Variants in GPHN observed in about 807,000 individuals in gnomAD.
The protein encoded by GPHN is gephyrin.
A neutral mutation model predicts 95.5 loss-of-function variants in GPHN; 17 were observed. The observed-to-expected ratio is 0.18, with a 90% CI of 0.12 to 0.27. The LOEUF (loss-of-function observed/expected upper bound fraction) is 0.27. GPHN is among the 10% of genes least tolerant of loss of function. GPHN has a pLI of 1.00. For synonymous variants in GPHN, 320 were observed against 322.5 expected, an observed-to-expected ratio of 0.99 and a Z score of 0.08; for missense variants, 660 against 978.1, an observed-to-expected ratio of 0.67 and a Z score of 4.34.
chr14:67,349,944 G>A, the GPHN span, among the ~76,000 whole-genome samples: 3 of 152,138 alleles, frequency 2.0e-5, no homozygotes, highest in Non-Finnish European at 4.4e-5. Flanking sequence ...AATAAAATCA[G>A]AAACCTTGAA....
At chr14:66,890,659 A>T (rs1389098726) in intron 5 of GPHN, among the ~76,000 whole-genome samples, 1 of 152,162 alleles carries the variant, frequency 6.6e-6, no homozygotes, top group Non-Finnish European at 1.5e-5. Context: ...ATGAATGTTG[A>T]TGGAAAAATG....
At position 66,776,518 on chromosome 14, in the gene GPHN, C is replaced by G. The variant is rs1231315486; in HGVS notation, c.198C>G (p.Ile66Met). 5.5e-5 allele frequency: 85 copies of G among 1,557,150 alleles called. No homozygotes were observed. The highest frequency in any genetic ancestry group is 7.5e-5 in the Non-Finnish European group (85 of 1,129,708). The part of the protein sequence containing the change: ...YKIVPDEIEE[I>M]KETLIDWCDE... ...TAGTACCAGATGAAATAGAAGAAAT[C>G]AAGGTATAGTATGGCATTTTTCACC... Residue 66 changes from isoleucine (I) to methionine (M), a missense_variant, in exon 3 of 23, where the codon ATC (isoleucine) becomes ATG (methionine). Around this residue, in one of 6 missense-constraint regions of GPHN, gnomAD observed 92 missense variants for 91.9 expected, o/e 1.00. Coordinates refer to ENST00000478722, the MANE Select transcript of GPHN (RefSeq NM_020806.5).
chr14:67,315,353 T>C, the GPHN span, among the ~76,000 whole-genome samples: 1 of 143,292 alleles, frequency 7.0e-6, no homozygotes, highest in Non-Finnish European at 1.5e-5. Context: ...CTCAGCTCAC[T>C]GCAAGCTCCG....
chr14:66,657,691 T>C (rs1410979129), intron 1 of GPHN, among the ~76,000 whole-genome samples: 1 of 152,112 alleles, frequency 6.6e-6, no homozygotes, highest in African/African-American at 2.4e-5. Flanking sequence ...TCACAATACA[T>C]CTGTTTACAG....
chr14:67,366,451 G>T, the GPHN span, among the ~76,000 whole-genome samples: 3 of 152,154 alleles, frequency 2.0e-5, no homozygotes, highest in Non-Finnish European at 4.4e-5. Context: ...AATATGGAAT[G>T]GCATACTTGC....
the GPHN span, among the ~76,000 whole-genome samples, chr14:67,425,229 A>G: frequency 2.0e-5 from 3 of 152,130 alleles, no homozygotes; most frequent in African/African-American, 7.2e-5. Context: ...GACTACAGGC[A>G]CACACCACCA....
intron 3 of GPHN, among the ~76,000 whole-genome samples, chr14:66,786,009 TATATTC>T (rs1267660168): frequency 7.2e-5 from 11 of 151,974 alleles, no homozygotes; most frequent in Non-Finnish European, 1.5e-4. Flanking sequence ...AAGAGCAAAA[TATATTC>T]AGAGCAATCA....
chr14:67,141,623 T>C (rs2080464460), intron 17 of GPHN, among the ~76,000 whole-genome samples: 1 of 152,140 alleles, frequency 6.6e-6, no homozygotes, highest in Non-Finnish European at 1.5e-5. Flanking sequence ...TTGTGCATGG[T>C]TAAACATCTA....
intron 2 of GPHN, among the ~76,000 whole-genome samples, chr14:66,725,629 G>A (rs945221512): frequency 6.6e-6 from 1 of 152,084 alleles, no homozygotes; most frequent in South Asian, 2.1e-4. Context: ...GATTACAGGT[G>A]CACGCCACCA....
At chr14:67,730,473 T>C in the GPHN span, among the ~76,000 whole-genome samples, 789 of 152,368 alleles carry the variant, frequency 5.2e-3, 8 homozygotes, top group African/African-American at 0.017. Flanking sequence ...AGTTGCATGT[T>C]GCTGCTAAAA....
At chr14:67,657,592 G>A in the GPHN span, among the ~76,000 whole-genome samples, 21 of 139,564 alleles carry the variant, frequency 1.5e-4, no homozygotes, top group African/African-American at 5.4e-4. Flanking sequence ...AAGCACGCGC[G>A]CGCGTGCACA....
chr14:66,832,099 A>G (rs1266140291), intron 4 of GPHN, among the ~76,000 whole-genome samples: 5 of 152,214 alleles, frequency 3.3e-5, no homozygotes, highest in African/African-American at 4.8e-5. Context: ...GTGAGCAAAG[A>G]TGGGGCCACT....
Position 66,949,992 on chromosome 14 carries a change from G to GC in GPHN, c.829-15199_829-15198insC, listed in dbSNP as rs2067995393. Among the ~76,000 whole-genome samples the GC allele has an allele frequency of 2.3e-4, 17 of 72,666 alleles. No individual in the cohort carries two copies. In the Admixed American group the frequency reaches 2.5e-3, roughly 11 times the overall value. The allele number at this position is 72,666 out of a possible 152,430, so 47.7% of individuals were successfully genotyped here. On this transcript the variant is annotated intron_variant, in intron 8 of 22. Transcript: ENST00000478722. Reference sequence around the variant, plus strand: ...AACCAGTGAAATTAGCTTTAGGACAGGAAAAAAAAAAAAAAAAAAAAAAAA... The same window carrying GC: ...AACCAGTGAAATTAGCTTTAGGACAGCGAAAAAAAAAAAAAAAAAAAAAAAA...
downstream of GPHN, among the ~76,000 whole-genome samples, chr14:67,185,742 T>C (rs527882530): frequency 6.6e-6 from 1 of 152,362 alleles, no homozygotes; most frequent in African/African-American, 2.4e-5. Context: ...TTCTTTTGGA[T>C]GGCTTTCATA....
the GPHN span, among the ~76,000 whole-genome samples, chr14:67,448,085 T>C: frequency 6.7e-6 from 1 of 149,716 alleles, no homozygotes; most frequent in Non-Finnish European, 1.5e-5. Flanking sequence ...GCCACTAACA[T>C]TTCAGGTTTG....
chr14:67,257,965 G>A, the GPHN span, among the ~76,000 whole-genome samples: 5 of 152,036 alleles, frequency 3.3e-5, no homozygotes, highest in Admixed American at 2.0e-4. Flanking sequence ...GTGAATATTT[G>A]CATCATTTAA....
chr14:67,589,192 C>G, the GPHN span: 1 of 197,922 alleles, frequency 5.1e-6, no homozygotes, highest in East Asian at 1.9e-4. Context: ...AAGAATGGAG[C>G]TGTGTTCACA....
At chr14:67,043,138 A>G (rs185603250) in intron 10 of GPHN, among the ~76,000 whole-genome samples, 1 of 152,158 alleles carries the variant, frequency 6.6e-6, no homozygotes, top group Admixed American at 6.6e-5. Flanking sequence ...GGGCTGAGAC[A>G]GTGGGGTTTT....
chr14:66,745,603 A>G (rs758621304), intron 2 of GPHN, among the ~76,000 whole-genome samples: 9 of 152,042 alleles, frequency 5.9e-5, no homozygotes, highest in Admixed American at 1.3e-4. Context: ...TTGATGTAGA[A>G]TAATTCATAT....
Sources: gnomAD v4.1 joint callset for allele counts (sites outside exome capture counted in the v4.1 genomes callset) on GRCh38, gnomAD v4.1.1 for gene constraint, gnomAD v4.1.1 regional missense constraint, MANE v1.5 for transcripts, NCBI Gene and HGNC (gene_info 2026-07-23, HGNC 2026-07-21) for gene names.